WWOX: variants seen among roughly 807,000 people sequenced by gnomAD.
WWOX encodes WW domain containing oxidoreductase, also known as WW domain-containing oxidoreductase.
A neutral mutation model predicts 46.2 loss-of-function variants in WWOX; 69 were observed. The ratio of observed to expected loss-of-function variants is 1.49; its 90% CI spans 1.23 to 1.82. The LOEUF is 1.82. Among genes scored for constraint, WWOX ranks in the 40% most tolerant of loss-of-function variants. The probability of loss-of-function intolerance (pLI) is 0.00; values close to 1 mark genes in which losing one functional copy is unlikely to be tolerated. For synonymous variants in WWOX, 359 were observed against 202.6 expected (o/e 1.77, Z -6.56); for missense variants, 919 against 542.6 (o/e 1.69, Z -6.89).
intron 8 of WWOX, among the ~76,000 whole-genome samples, chr16:78,575,209 C>T (rs907529161): frequency 1.4e-5 from 2 of 146,400 alleles, no homozygotes; most frequent in African/African-American, 5.0e-5. Flanking sequence ...GAAACCATCT[C>T]TGGGTTAGTT....
At chr16:79,184,905 TTTGGATAATCA>T (rs2050983074) in intron 8 of WWOX, among the ~76,000 whole-genome samples, 1 of 152,234 alleles carries the variant, frequency 6.6e-6, no homozygotes, top group African/African-American at 2.4e-5. Flanking sequence ...GTGTTACTTT[TTTGGATAATCA>T]TTGGCTGTAG....
chr16:78,539,351 T>A (rs375101062), intron 8 of WWOX, among the ~76,000 whole-genome samples: 19 of 152,364 alleles, frequency 1.2e-4, no homozygotes, highest in Non-Finnish European at 2.6e-4. Flanking sequence ...AGCTCTCTGT[T>A]TCCCTGCTAG....
At chr16:78,950,903 G>A (rs2046046520) in intron 8 of WWOX, among the ~76,000 whole-genome samples, 1 of 152,146 alleles carries the variant, frequency 6.6e-6, no homozygotes, top group Admixed American at 6.5e-5. Context: ...GGTAGCTGAA[G>A]GCCCAAGGAT....
At chr16:78,106,568 C>T (rs2032161767) in intron 1 of WWOX, among the ~76,000 whole-genome samples, 1 of 151,970 alleles carries the variant, frequency 6.6e-6, no homozygotes, top group Non-Finnish European at 1.5e-5. Flanking sequence ...AGGCATGTGC[C>T]ACCACGCCAG....
intron 8 of WWOX, among the ~76,000 whole-genome samples, chr16:78,459,610 A>G (rs2083903977): frequency 1.3e-5 from 2 of 152,152 alleles, no homozygotes; most frequent in African/African-American, 4.8e-5. Flanking sequence ...ATGAGGCAAA[A>G]TCTACTTTCT....
At chr16:78,736,596 T>C (rs973767573) in intron 8 of WWOX, among the ~76,000 whole-genome samples, 1 of 152,110 alleles carries the variant, frequency 6.6e-6, no homozygotes, top group African/African-American at 2.4e-5. Context: ...TTTTGTTGTT[T>C]TATTTTGTTT....
At chr16:78,384,860 G>T (rs760228130) in intron 5 of WWOX, among the ~76,000 whole-genome samples, 1 of 152,104 alleles carries the variant, frequency 6.6e-6, no homozygotes, top group Non-Finnish European at 1.5e-5. Context: ...TTTGTGCCAG[G>T]TGCGGTGGCT....
At chr16:78,888,601 T>C (rs891700812) in intron 8 of WWOX, among the ~76,000 whole-genome samples, 1 of 152,194 alleles carries the variant, frequency 6.6e-6, no homozygotes, top group African/African-American at 2.4e-5. Flanking sequence ...GTCATTCTAA[T>C]GAGGACTTAA....
intron 8 of WWOX, among the ~76,000 whole-genome samples, chr16:78,712,988 G>A (rs1473093279): frequency 6.6e-6 from 1 of 152,068 alleles, no homozygotes; most frequent in Non-Finnish European, 1.5e-5. Flanking sequence ...GCTAGTATCA[G>A]GCCTGGTGTA....
intron 1 of WWOX, among the ~76,000 whole-genome samples, chr16:78,101,272 C>G (rs1240611323): frequency 6.7e-6 from 1 of 149,640 alleles, no homozygotes; most frequent in Non-Finnish European, 1.5e-5. Context: ...TGGTCTCGAT[C>G]TCCTGACCTC....
At chr16:78,108,943 A>C (rs1012238611) in intron 2 of WWOX, among the ~76,000 whole-genome samples, 11 of 152,224 alleles carry the variant, frequency 7.2e-5, no homozygotes, top group African/African-American at 2.7e-4. Context: ...AGCCAAGATC[A>C]CACCACTGCG....
chr16:78,170,095 C>T (rs1281336916), intron 5 of WWOX, among the ~76,000 whole-genome samples: 1 of 152,106 alleles, frequency 6.6e-6, no homozygotes, highest in Non-Finnish European at 1.5e-5. Context: ...CTATTACCCT[C>T]TCATATGGGA....
At chr16:78,486,819 G>A (rs1049597298) in intron 8 of WWOX, among the ~76,000 whole-genome samples, 8 of 152,268 alleles carry the variant, frequency 5.3e-5, no homozygotes, top group South Asian at 2.1e-4. Context: ...TGATCCACTC[G>A]CCTCGGCCTC....
At chr16:78,988,118 G>A (rs1369262968) in intron 8 of WWOX, among the ~76,000 whole-genome samples, 1 of 152,048 alleles carries the variant, frequency 6.6e-6, no homozygotes, top group Non-Finnish European at 1.5e-5. Context: ...CGAGGCTGGT[G>A]GATCACCTGA....
At chr16:78,468,719 G>C (rs2084146448) in intron 8 of WWOX, among the ~76,000 whole-genome samples, 1 of 152,154 alleles carries the variant, frequency 6.6e-6, no homozygotes, top group Non-Finnish European at 1.5e-5. Context: ...GTCTGCAAAG[G>C]AGGGATGATG....
At chr16:78,123,428 G>GTTT (rs1330107026) in intron 4 of WWOX, 7 of 61,048 alleles carry the variant, frequency 1.1e-4, no homozygotes, top group African/African-American at 2.3e-4. Context: ...TTTTTTCTTT[G>GTTT]TTTTTTGTTT....
intron 8 of WWOX, among the ~76,000 whole-genome samples, chr16:78,840,851 A>G (rs2052122598): frequency 6.6e-6 from 1 of 152,060 alleles, no homozygotes; most frequent in Non-Finnish European, 1.5e-5. Context: ...GTAATCCCCC[A>G]GGGGATGCCT....
intron 8 of WWOX, among the ~76,000 whole-genome samples, chr16:78,660,058 A>T (rs544175378): frequency 3.0e-4 from 46 of 152,190 alleles, no homozygotes; most frequent in Admixed American, 9.2e-4. Context: ...CACCATAGTG[A>T]CACCAGAGTT....
chr16:78,393,992 T>C (rs1267708912), intron 6 of WWOX, among the ~76,000 whole-genome samples: 2 of 152,232 alleles, frequency 1.3e-5, no homozygotes, highest in Non-Finnish European at 2.9e-5. Flanking sequence ...ATCCCAGATA[T>C]AATATTCTTG....
Sources: allele counts gnomAD v4.1 joint callset (sites outside exome capture counted in the v4.1 genomes callset), GRCh38; gene constraint gnomAD v4.1.1; transcripts MANE v1.5; gene names NCBI Gene and HGNC (gene_info 2026-07-23, HGNC 2026-07-21).